Variants in TBCD observed in about 807,000 individuals in gnomAD.
TBCD encodes the protein tubulin folding cofactor D.
In TBCD, 105 loss-of-function variants were observed where a neutral mutation model predicts 169.3. The ratio of observed to expected loss-of-function variants is 0.62; its 90% confidence interval spans 0.53 to 0.73. TBCD has a LOEUF of 0.73. TBCD is among the 30% of genes least tolerant of loss of function. The pLI is 0.00. For missense variants in TBCD, 1,444 were observed against 1,600.1 expected (o/e 0.90, Z 1.66); for synonymous variants, 700 against 643.9 (o/e 1.09, Z -1.32).
At position 82,943,507 on chromosome 17, in the gene TBCD, T is replaced by A. The variant is rs1372622005; in HGVS notation, c.*1044T>A. ...AGGGGTGCCATGTGCGTGGTGTAGA[T>A]TAGGGTGGCTCCCTGGCCTGCTCTC... On this transcript the variant is annotated 3_prime_UTR_variant, in exon 39 of 39. Transcript: ENST00000355528. The A allele has an allele frequency of 6.6e-6, 1 of 152,174 alleles. No individual in the cohort carries two copies. Among genetic ancestry groups the A allele is most frequent in the African/African-American group, 2.4e-5 (1 of 41,396 alleles). The allele number at this position is 152,174 out of a possible 1,614,324, so 9.4% of individuals were successfully genotyped here.
At chr17:82,872,235 CGGA>C (rs921250939) in intron 14 of TBCD, among the ~76,000 whole-genome samples, 8 of 152,196 alleles carry the variant, frequency 5.3e-5, no homozygotes, top group Admixed American at 3.9e-4. Flanking sequence ...TGCTCCTCTT[CGGA>C]GGAGAACAGC....
chr17:82,911,474 G>A (rs1414154741), intron 22 of TBCD, among the ~76,000 whole-genome samples: 1 of 152,202 alleles, frequency 6.6e-6, no homozygotes, highest in Non-Finnish European at 1.5e-5. Flanking sequence ...TAAGAGCTGA[G>A]CGCTGCTTGG....
chr17:82,936,277 G>A (rs2147461571), intron 34 of TBCD, among the ~76,000 whole-genome samples: 1 of 152,348 alleles, frequency 6.6e-6, no homozygotes, highest in Non-Finnish European at 1.5e-5. Context: ...ACTGTGATTT[G>A]TGGAATTCTT....
chr17:82,887,680 A>G (rs1484785329), intron 15 of TBCD, among the ~76,000 whole-genome samples: 1 of 152,182 alleles, frequency 6.6e-6, no homozygotes, highest in Non-Finnish European at 1.5e-5. Context: ...ACTGCTTTCT[A>G]GAGCAGCTGC....
At chr17:82,841,100 G>A (rs113838261) in intron 13 of TBCD, among the ~76,000 whole-genome samples, 7 of 147,292 alleles carry the variant, frequency 4.8e-5, no homozygotes, top group East Asian at 4.2e-4. Context: ...CTGCCACCAC[G>A]CCCGGCTAAT....
Position 82,831,315 on chromosome 17 carries a change from T to C in TBCD, c.1318+16381T>C, listed in dbSNP as rs2053489416. ...TGGAGGAGTCTTTAGCCTCAGGAAT[T>C]GGACTTTCGAACTCGACGTGTTTTC... On this transcript the variant is annotated intron_variant, in intron 13 of 38. Coordinates refer to ENST00000355528, the MANE Select transcript of TBCD (RefSeq NM_005993.5). The surrounding 1 kb of genome is among the most constrained non-coding windows in gnomAD (Gnocchi z 4.6). 3 of 1,614,026 alleles carry C rather than the reference T, an allele frequency of 1.9e-6. No individual in the cohort carries two copies. Among genetic ancestry groups the C allele is most frequent in the Non-Finnish European group, 2.5e-6 (3 of 1,180,032 alleles).
At chr17:82,809,598 T>C (rs2051278585) in intron 11 of TBCD, 110 bp from the exon 12 acceptor site, 2 of 1,222,116 alleles carry the variant, frequency 1.6e-6, no homozygotes, top group Middle Eastern at 2.5e-4. Flanking sequence ...GCCTCTTCTC[T>C]CCTGGTCTCT....
intron 13 of TBCD, among the ~76,000 whole-genome samples, chr17:82,862,730 C>T (rs1298623509): frequency 6.6e-6 from 1 of 152,228 alleles, no homozygotes; most frequent in Non-Finnish European, 1.5e-5. Context: ...TGTCTTCTGC[C>T]GTGAGTTGGC....
rs78033949 is a variant in TBCD at position 82,861,686 on chromosome 17, C to T, written c.1319-8538C>T. On this transcript the variant is annotated intron_variant, in intron 13 of 38. Transcript: ENST00000355528. ...CTCTAAAGATGTGGGAGTCTTTGCA[C>T]CTCACCAAGCTGTGCTGGTGTGGCC... 7.2e-3 allele frequency among the ~76,000 whole-genome samples: 1,098 copies of T among 152,276 alleles called. 9 individuals are homozygous for T. Among genetic ancestry groups the T allele is most frequent in the African/African-American group, 0.025 (1,046 of 41,550 alleles).
At chr17:82,937,623 G>A (rs563274972) in intron 35 of TBCD, 28 of 599,792 alleles carry the variant, frequency 4.7e-5, no homozygotes, top group Admixed American at 1.8e-4. Flanking sequence ...GGGAGGCTCC[G>A]GAAAGGAGCT....
In TBCD at chr17:82,930,737, T is replaced by C; in HGVS notation, c.3113+94T>C. 1 of 1,574,286 alleles carries C rather than the reference T, an allele frequency of 6.4e-7. No individual in the cohort carries two copies. The highest frequency in any genetic ancestry group is 8.6e-7 in the Non-Finnish European group (1 of 1,158,360). On this transcript the variant is annotated intron_variant, in intron 33 of 38. Transcript: ENST00000355528. This position sits in a 1 kb window ranked among gnomAD's most constrained non-coding sequence, Gnocchi z 5.2. ...TTCCCGGGGTCTCGCAGGGTCTGTCTGGGGTCTGAAGGGAGAAGCGAGACA... is the reference window on the plus strand; with the variant it reads ...TTCCCGGGGTCTCGCAGGGTCTGTCCGGGGTCTGAAGGGAGAAGCGAGACA...
chr17:82,863,974 G>T (rs2056978200), intron 13 of TBCD, among the ~76,000 whole-genome samples: 1 of 152,224 alleles, frequency 6.6e-6, no homozygotes, highest in African/African-American at 2.4e-5. Flanking sequence ...CAGCTGAGTA[G>T]ATTACCACCC....
intron 20 of TBCD, among the ~76,000 whole-genome samples, chr17:82,906,280 T>C (rs980982419): frequency 2.0e-5 from 3 of 152,244 alleles, no homozygotes; most frequent in Non-Finnish European, 4.4e-5. Flanking sequence ...GCGGGGCGGG[T>C]GCAGCACCCG....
At chr17:82,757,480 G>C (rs764674433) in intron 2 of TBCD, among the ~76,000 whole-genome samples, 2 of 151,996 alleles carry the variant, frequency 1.3e-5, no homozygotes, top group African/African-American at 4.8e-5. Context: ...ACGTTAGCTG[G>C]GCATGCTGGC....
chr17:82,831,594 G>T lies in TBCD; in HGVS notation c.1318+16660G>T, dbSNP rs372580838. The T allele has an allele frequency of 3.7e-6, 6 of 1,614,226 alleles. No homozygotes were observed. The highest frequency in any genetic ancestry group is 5.1e-6 in the Non-Finnish European group (6 of 1,180,032). ...CCAGGTGCTTAGGGATCGGCCCCGG[G>T]TGAGGCAGGAAGTGTCTCGGGTCTT... On this transcript the variant is annotated intron_variant, in intron 13 of 38. Coordinates refer to ENST00000355528, the MANE Select transcript of TBCD (RefSeq NM_005993.5). The surrounding 1 kb of genome is among the most constrained non-coding windows in gnomAD (Gnocchi z 4.6).
Position 82,925,083 on chromosome 17 carries a change from G to A in TBCD, c.2379+26G>A, listed in dbSNP as rs369189257. The A allele has an allele frequency of 5.2e-6, 8 of 1,525,660 alleles. No individual in the cohort carries two copies. The African/African-American group carries it at 6.9e-5, about 13-fold the overall frequency. The allele number at this position is 1,525,660 out of a possible 1,614,324, so 94.5% of individuals were successfully genotyped here. A position where few individuals can be genotyped will look rare whatever the true frequency, so the allele number is the denominator to read the frequency against. ...GTGAGGCTGGCCACGCGCAGTGGACGGGGCCTAGGGCGAGGGTGTGGGAGC... is the reference window on the plus strand; with the variant it reads ...GTGAGGCTGGCCACGCGCAGTGGACAGGGCCTAGGGCGAGGGTGTGGGAGC... On this transcript the variant is annotated intron_variant, in intron 27 of 38. Transcript: ENST00000355528.
At chr17:82,941,274 A>G (rs929945505) in intron 37 of TBCD, 125 bp from the exon 38 acceptor site, 2 of 739,166 alleles carry the variant, frequency 2.7e-6, no homozygotes, top group Admixed American at 2.7e-5. Context: ...CAGCCTGGCT[A>G]TGGATGTCGG....
intron 7 of TBCD, among the ~76,000 whole-genome samples, chr17:82,787,541 CG>C (rs2049405008): frequency 6.6e-6 from 1 of 152,148 alleles, no homozygotes; most frequent in African/African-American, 2.4e-5. Flanking sequence ...GGGTGCTGAG[CG>C]GGTGGGAGGT....
At chr17:82,787,172 A>G (rs1001644718) in intron 7 of TBCD, among the ~76,000 whole-genome samples, 10 of 152,150 alleles carry the variant, frequency 6.6e-5, no homozygotes, top group African/African-American at 2.4e-4. Flanking sequence ...CCCCCGGCAT[A>G]TGCTGGCAAA....
Sources: allele counts gnomAD v4.1 joint callset (sites outside exome capture counted in the v4.1 genomes callset), GRCh38; gene constraint gnomAD v4.1.1; non-coding constraint Gnocchi (gnomAD v3.1); transcripts MANE v1.5; gene names NCBI Gene and HGNC (gene_info 2026-07-23, HGNC 2026-07-21).